Variants in CNTN6 observed in about 807,000 individuals in gnomAD.
The protein encoded by CNTN6 is contactin 6.
Under a neutral mutation model 122.8 loss-of-function variants are expected in CNTN6, and 137 were observed. The ratio of observed to expected loss-of-function variants is 1.12; its 90% confidence interval spans 0.97 to 1.29. CNTN6 has a LOEUF of 1.29. Among genes scored for constraint, CNTN6 ranks in the 50% most tolerant of loss-of-function variants. The pLI is 0.00. For missense variants in CNTN6, 1,634 were observed against 1,223.4 expected (o/e 1.34, Z -5.01); for synonymous variants, 570 against 426.0 (o/e 1.34, Z -4.16).
At chr3:1,158,210 T>A (rs2093020906) in intron 2 of CNTN6, among the ~76,000 whole-genome samples, 1 of 152,230 alleles carries the variant, frequency 6.6e-6, no homozygotes, top group Non-Finnish European at 1.5e-5. Flanking sequence ...GCCAGTCTTT[T>A]GGATATAAGC....
chr3:1,202,108 C>A (rs2093881120), intron 2 of CNTN6, among the ~76,000 whole-genome samples: 1 of 152,168 alleles, frequency 6.6e-6, no homozygotes, highest in South Asian at 2.1e-4. Flanking sequence ...CTTGCCAGTT[C>A]ATGTCGCTGG....
chr3:1,194,025 T>C (rs1314966361), intron 2 of CNTN6, among the ~76,000 whole-genome samples: 1 of 152,154 alleles, frequency 6.6e-6, no homozygotes, highest in East Asian at 1.9e-4. Flanking sequence ...TGCTAATCTC[T>C]GCATCATGTC....
intron 2 of CNTN6, among the ~76,000 whole-genome samples, chr3:1,190,274 T>A (rs570952048): frequency 6.6e-6 from 1 of 152,268 alleles, no homozygotes; most frequent in African/African-American, 2.4e-5. Context: ...TAAACCTAGT[T>A]ACTCCTAAAG....
chr3:1,208,499 C>T (rs2093988341), intron 2 of CNTN6, among the ~76,000 whole-genome samples: 3 of 152,050 alleles, frequency 2.0e-5, no homozygotes, highest in African/African-American at 7.2e-5. Context: ...GAATTAATTG[C>T]TTCCTTCTCT....
intron 4 of CNTN6, among the ~76,000 whole-genome samples, chr3:1,268,593 C>A (rs1439127471): frequency 7.3e-5 from 8 of 109,016 alleles, no homozygotes; most frequent in Middle Eastern, 5.7e-3. Flanking sequence ...GGCGACAGAG[C>A]GAGACTCCGT....
chr3:1,098,893 C>G lies in CNTN6; in HGVS notation c.-83+5773C>G, dbSNP rs1335582162. On this transcript the variant is annotated intron_variant, in intron 1 of 22. Transcript: ENST00000446702. ...TTCCCACCCCCAGAATTACCAAATG[C>G]TAAATTTTATTGGAGATTTAACATC... is the stretch of plus-strand genomic sequence containing the variant. Among the ~76,000 whole-genome samples the G allele has an allele frequency of 2.7e-5, 4 of 146,718 alleles. No individual in the cohort carries two copies. In the South Asian group the frequency reaches 8.7e-4, roughly 32 times the overall value.
chr3:1,362,823 A>G (rs948448405), intron 12 of CNTN6, among the ~76,000 whole-genome samples: 1 of 151,848 alleles, frequency 6.6e-6, no homozygotes, highest in Non-Finnish European at 1.5e-5. Context: ...GTGAGTCCCA[A>G]TTCAGACAAA....
chr3:1,316,517 C>T (rs1263340802), intron 7 of CNTN6, among the ~76,000 whole-genome samples: 3 of 151,780 alleles, frequency 2.0e-5, no homozygotes, highest in African/African-American at 4.8e-5. Flanking sequence ...ATGAATGATC[C>T]ACCCCCATAA....
chr3:1,398,710 G>A (rs1006339563), intron 20 of CNTN6, among the ~76,000 whole-genome samples: 67 of 137,836 alleles, frequency 4.9e-4, no homozygotes, highest in African/African-American at 1.4e-3. Flanking sequence ...GGAGTTATTC[G>A]TTTCATTTTA....
intron 1 of CNTN6, among the ~76,000 whole-genome samples, chr3:1,098,260 A>T (rs1415114841): frequency 9.3e-6 from 1 of 108,018 alleles, no homozygotes. Flanking sequence ...AATAAAAATA[A>T]AAAAAAGAGA....
At chr3:1,189,588 G>T (rs1223810382) in intron 2 of CNTN6, among the ~76,000 whole-genome samples, 1 of 152,034 alleles carries the variant, frequency 6.6e-6, no homozygotes, top group Admixed American at 6.6e-5. Context: ...AATAATTTTG[G>T]ACTGTTAGAG....
chr3:1,276,296 T>C (rs1692348060), intron 4 of CNTN6, among the ~76,000 whole-genome samples: 1 of 152,160 alleles, frequency 6.6e-6, no homozygotes, highest in South Asian at 2.1e-4. Context: ...TGTATCAATA[T>C]TTAGTGACTT....
chr3:1,180,853 A>T (rs2314149), intron 2 of CNTN6, among the ~76,000 whole-genome samples: 56,438 of 152,068 alleles, frequency 0.37, 11,059 homozygotes, highest in East Asian at 0.71. Context: ...GAGAGTTAAA[A>T]TCCCTGTTAT....
At chr3:1,224,772 G>C (rs1329353707) in intron 3 of CNTN6, among the ~76,000 whole-genome samples, 1 of 152,086 alleles carries the variant, frequency 6.6e-6, no homozygotes, top group African/African-American at 2.4e-5. Context: ...TTTTGAGACA[G>C]TCTTGCTCTG....
At chr3:1,330,017 A>G in intron 11 of CNTN6, 82 bp downstream of exon 11, 2 of 1,067,262 alleles carry the variant, frequency 1.9e-6, no homozygotes, top group South Asian at 2.4e-5. Context: ...AGGCCTTTCA[A>G]AATTTCCTCT....
In CNTN6 at chr3:1,102,638, G is replaced by A. The variant is rs764067695; in HGVS notation, c.-83+9518G>A. Among the ~76,000 whole-genome samples the A allele has an allele frequency of 2.0e-5, 3 of 150,224 alleles. 1 individual carries two copies. The highest frequency in any genetic ancestry group is 4.5e-5 in the Non-Finnish European group (3 of 67,192). ...AGCTACTCGGGAGGCTGAGGCAGGA[G>A]AATGGCGGGAACCCGGGGGGCGGAG... is the stretch of plus-strand genomic sequence containing the variant. On this transcript the variant is annotated intron_variant, in intron 1 of 22. Transcript: ENST00000446702.
chr3:1,378,915 C>A (rs1710260138), intron 17 of CNTN6, among the ~76,000 whole-genome samples: 1 of 152,078 alleles, frequency 6.6e-6, no homozygotes. Flanking sequence ...CCTACTACTC[C>A]AAACATATTT....
At chr3:1,157,633 C>T (rs865859002) in intron 2 of CNTN6, among the ~76,000 whole-genome samples, 98 of 152,254 alleles carry the variant, frequency 6.4e-4, no homozygotes, top group Middle Eastern at 3.4e-3. Context: ...CCATCCCCAC[C>T]TGTCCCCCTC....
At chr3:1,129,349 C>G (rs1219710825) in intron 1 of CNTN6, among the ~76,000 whole-genome samples, 1 of 152,028 alleles carries the variant, frequency 6.6e-6, no homozygotes. Context: ...TCTGGGTAAT[C>G]CTCCATTCCC....
Sources: gnomAD v4.1 joint callset for allele counts (sites outside exome capture counted in the v4.1 genomes callset) on GRCh38, gnomAD v4.1.1 for gene constraint, MANE v1.5 for transcripts, NCBI Gene and HGNC (gene_info 2026-07-23, HGNC 2026-07-21) for gene names.